The following PCDHGA9 variants were observed in gnomAD, a reference collection of about 807,000 sequenced individuals.
The protein encoded by PCDHGA9 is protocadherin gamma subfamily A, 9.
In PCDHGA9, 37 loss-of-function variants were observed where a neutral mutation model predicts 62.5. That is an observed-to-expected ratio of 0.59 (90% confidence interval 0.46 to 0.78). The LOEUF (loss-of-function observed/expected upper bound fraction) is 0.78, where lower values mean the gene tolerates loss of function less well. Among genes scored for constraint, PCDHGA9 ranks in the 30% least tolerant of loss-of-function variants. The probability of loss-of-function intolerance (pLI) is 0.00; values close to 1 mark genes in which losing one functional copy is unlikely to be tolerated. For synonymous variants in PCDHGA9, 459 were observed against 484.6 expected, an observed-to-expected ratio of 0.95 and a Z score of 0.69; for missense variants, 1,138 against 1,166.2, an observed-to-expected ratio of 0.98 and a Z score of 0.35.
chr5:141,441,838 C>T, intron 1 of PCDHGA9: 4 of 355,582 alleles, frequency 1.1e-5, no homozygotes, highest in South Asian at 9.6e-5. Flanking sequence ...TGGCTTCGCG[C>T]TCTTGGATAT....
chr5:141,420,123 G>A (rs1335693841), intron 1 of PCDHGA9: 1 of 1,613,968 alleles, frequency 6.2e-7, no homozygotes, highest in Non-Finnish European at 8.5e-7. Flanking sequence ...TATAATTTTT[G>A]TGTGCCTGGG....
intron 1 of PCDHGA9, among the ~76,000 whole-genome samples, chr5:141,456,902 G>A (rs886945444): frequency 6.6e-6 from 1 of 152,294 alleles, no homozygotes; most frequent in South Asian, 2.1e-4. Flanking sequence ...GGCAGAGGTT[G>A]CAGTGAGCCG....
chr5:141,481,362 A>G (rs2099536613), intron 1 of PCDHGA9, among the ~76,000 whole-genome samples: 1 of 152,252 alleles, frequency 6.6e-6, no homozygotes, highest in African/African-American at 2.4e-5. Context: ...CAGCTGTTCA[A>G]TAGATATTGG....
intron 1 of PCDHGA9, among the ~76,000 whole-genome samples, chr5:141,445,119 T>C (rs975225604): frequency 1.3e-5 from 2 of 152,270 alleles, no homozygotes; most frequent in African/African-American, 4.8e-5. Context: ...TTGTAAATAG[T>C]ATTTTTAAAA....
chr5:141,470,718 G>A (rs916720866), intron 1 of PCDHGA9, among the ~76,000 whole-genome samples: 2 of 152,022 alleles, frequency 1.3e-5, no homozygotes, highest in Non-Finnish European at 2.9e-5. Flanking sequence ...ATTTTTTTGA[G>A]TCAGGGTCTT....
chr5:141,463,125 G>A (rs2099053159), intron 1 of PCDHGA9, among the ~76,000 whole-genome samples: 3 of 152,192 alleles, frequency 2.0e-5, no homozygotes, highest in East Asian at 1.9e-4. Context: ...ATAGCTCCCT[G>A]GCAGTTCTTC....
At chr5:141,414,083 G>C (rs964114178) in intron 1 of PCDHGA9, 1 of 1,601,124 alleles carries the variant, frequency 6.2e-7, no homozygotes, top group Non-Finnish European at 8.5e-7. Context: ...AAATATACTG[G>C]AGAAATAAAA....
At position 141,491,904 on chromosome 5, in the gene PCDHGA9, G is replaced by C; in HGVS notation, c.2425-2903G>C. The C allele has an allele frequency of 7.0e-7, 1 of 1,423,838 alleles. No individual in the cohort carries two copies. The allele number at this position is 1,423,838 out of a possible 1,614,324, so 88.2% of individuals were successfully genotyped here. ...GGATGGGGCTCCGAGCACCGGGGGT[G>C]GTGGCGACTGTGGGCGAGGGGAGGT... On this transcript the variant is annotated intron_variant, in intron 1 of 3. Coordinates refer to ENST00000573521, the MANE Select transcript of PCDHGA9 (RefSeq NM_018921.3). This position sits in a 1 kb window ranked among gnomAD's most constrained non-coding sequence, Gnocchi z 6.9.
intron 1 of PCDHGA9, among the ~76,000 whole-genome samples, chr5:141,437,629 G>A (rs538730617): frequency 6.6e-6 from 1 of 152,284 alleles, no homozygotes; most frequent in Non-Finnish European, 1.5e-5. Flanking sequence ...CATATAAGAT[G>A]TCAGGTTCAG....
At chr5:141,409,212 T>C (rs751644523) in intron 1 of PCDHGA9, 1 of 1,613,924 alleles carries the variant, frequency 6.2e-7, no homozygotes, top group Non-Finnish European at 8.5e-7. Context: ...ATCATAGAAA[T>C]CCTTGATGAA....
chr5:141,442,930 T>C (rs77210959), intron 1 of PCDHGA9, among the ~76,000 whole-genome samples: 6,420 of 152,302 alleles, frequency 0.042, 216 homozygotes, highest in African/African-American at 0.092. Flanking sequence ...TCATTTTCTA[T>C]TTAAGAAACT....
At chr5:141,449,588 CAAAA>C (rs768743917) in intron 1 of PCDHGA9, among the ~76,000 whole-genome samples, 2 of 57,488 alleles carry the variant, frequency 3.5e-5, no homozygotes, top group Non-Finnish European at 3.7e-5. Flanking sequence ...GACTCTGTCT[CAAAA>C]AAAAAAAAAA....
intron 1 of PCDHGA9, chr5:141,478,743 A>G: frequency 6.5e-7 from 1 of 1,528,732 alleles, no homozygotes; most frequent in Non-Finnish European, 8.8e-7. Context: ...TTGTGGTCCC[A>G]TTTCAGGGGG....
At chr5:141,408,847 G>A in intron 1 of PCDHGA9, 1 of 1,613,498 alleles carries the variant, frequency 6.2e-7, no homozygotes, top group African/African-American at 1.3e-5. Flanking sequence ...TGACTGCCTT[G>A]GACGGAGGGG....
rs1289333371 is a variant in PCDHGA9, at chr5:141,460,404, G to C, written c.2425-34403G>C. Among the ~76,000 whole-genome samples, 21 of 152,038 alleles carry C rather than the reference G, an allele frequency of 1.4e-4. 1 individual carries two copies. The highest frequency in any genetic ancestry group is 1.4e-3 in the Admixed American group (21 of 15,256). Reference sequence around the variant, plus strand: ...TATAATTTGGTCTATGAATCCTTTTGAGTTGATGTTTATGTATGGTGTATG... The same window carrying C: ...TATAATTTGGTCTATGAATCCTTTTCAGTTGATGTTTATGTATGGTGTATG... On this transcript the variant is annotated intron_variant, in intron 1 of 3. Transcript: ENST00000573521.
rs1405589878 is a variant in PCDHGA9 at position 141,504,323 on chromosome 5, T to A, written c.2484-1070T>A. On this transcript the variant is annotated intron_variant, in intron 2 of 3. Transcript: ENST00000573521. ...CACTCGGAGTTTCTAAAAGTCTCAC[T>A]TAGGTCCAAGTGCTAGGCTTTGTGC... Among the ~76,000 whole-genome samples, 4 of 152,114 alleles carry A rather than the reference T, an allele frequency of 2.6e-5. No individual in the cohort carries two copies. In the East Asian group the frequency reaches 7.7e-4, roughly 29 times the overall value.
At position 141,476,946 on chromosome 5, in the gene PCDHGA9, G is replaced by A; in HGVS notation, c.2425-17861G>A. ...ACGGATCTGGATGAAGGCCCCAACG[G>A]TGAAATTATTTACTCCTTCGGCAGC... On this transcript the variant is annotated intron_variant, in intron 1 of 3. Transcript: ENST00000573521. The surrounding 1 kb of genome is among the most constrained non-coding windows in gnomAD (Gnocchi z 7.6). The A allele has an allele frequency of 6.2e-7, 1 of 1,614,206 alleles. No individual in the cohort carries two copies. Among genetic ancestry groups the A allele is most frequent in the Non-Finnish European group, 8.5e-7 (1 of 1,180,044 alleles).
intron 1 of PCDHGA9, chr5:141,442,507 G>C (rs1394231840): frequency 1.3e-5 from 2 of 152,208 alleles, no homozygotes; most frequent in Non-Finnish European, 1.5e-5. Flanking sequence ...TATTCTAATT[G>C]CTTGGGCAGA....
At chr5:141,423,387 G>T (rs373190092) in intron 1 of PCDHGA9, 1 of 1,614,162 alleles carries the variant, frequency 6.2e-7, no homozygotes, top group Non-Finnish European at 8.5e-7. Context: ...TGTGGCGCTG[G>T]CATAAGTCAC....
Sources: gnomAD v4.1 joint callset for allele counts (sites outside exome capture counted in the v4.1 genomes callset) on GRCh38, gnomAD v4.1.1 for gene constraint, Gnocchi (gnomAD v3.1) non-coding constraint, MANE v1.5 for transcripts, NCBI Gene and HGNC (gene_info 2026-07-23, HGNC 2026-07-21) for gene names.